The following CHAF1A variants were observed in gnomAD, a reference collection of about 807,000 sequenced individuals.
The protein encoded by CHAF1A is chromatin assembly factor 1 subunit A, also known as CAF-1 subunit A.
In CHAF1A, 5 loss-of-function variants were observed where a neutral mutation model predicts 93.2. The ratio of observed to expected loss-of-function variants is 0.05; its 90% CI spans 0.03 to 0.11. The LOEUF is 0.11. Ranked by LOEUF, CHAF1A falls within the 10% of genes least tolerant of loss-of-function variation. The pLI is 1.00. For missense variants in CHAF1A, 1,102 were observed against 1,259.9 expected, an observed-to-expected ratio of 0.87 and a Z score of 1.90; for synonymous variants, 504 against 510.3, an observed-to-expected ratio of 0.99 and a Z score of 0.17.
At chr19:4,413,453 A>G (rs1356254868) in intron 3 of CHAF1A, among the ~76,000 whole-genome samples, 1 of 152,152 alleles carries the variant, frequency 6.6e-6, no homozygotes, top group Non-Finnish European at 1.5e-5. Context: ...TCTGGGGAAT[A>G]CACTGTTTTT....
At chr19:4,411,562 C>A (rs1353566768) in intron 3 of CHAF1A, among the ~76,000 whole-genome samples, 1 of 140,728 alleles carries the variant, frequency 7.1e-6, no homozygotes, top group Non-Finnish European at 1.5e-5. Flanking sequence ...GACTTCATTT[C>A]TTGTCTTTCA....
chr19:4,446,332 G>T (rs1408433934), downstream of CHAF1A: 1 of 1,572,796 alleles, frequency 6.4e-7, no homozygotes, highest in Non-Finnish European at 8.6e-7. Context: ...GCGTGTAGTT[G>T]TACTTGCGCA....
At chr19:4,447,011 T>C (rs919169139), downstream of CHAF1A, 12 of 1,312,270 alleles carry the variant, frequency 9.1e-6, no homozygotes, top group African/African-American at 2.9e-5. Context: ...GCTCTCGCTA[T>C]TGGGAGCAGC....
intron 7 of CHAF1A, among the ~76,000 whole-genome samples, chr19:4,424,610 A>C (rs976100752): frequency 6.6e-6 from 1 of 151,954 alleles, no homozygotes; most frequent in Non-Finnish European, 1.5e-5. Context: ...GACTACAGGC[A>C]TGTGCCACCA....
At chr19:4,427,298 C>T (rs1282035318) in intron 7 of CHAF1A, among the ~76,000 whole-genome samples, 17 of 144,134 alleles carry the variant, frequency 1.2e-4, no homozygotes, top group Non-Finnish European at 2.1e-4. Flanking sequence ...TACAGGTGCC[C>T]ACCACCATGC....
chr19:4,429,325 C>A, intron 8 of CHAF1A, 113 bp from the exon 9 acceptor site: 1 of 1,249,444 alleles, frequency 8.0e-7, no homozygotes, highest in South Asian at 1.5e-5. Context: ...TGCTTTTTAA[C>A]AAATGCCCAT....
At chr19:4,411,642 A>ATATTTTTTTTTTTTTTTTTT (rs1202069647) in intron 3 of CHAF1A, among the ~76,000 whole-genome samples, 2 of 38,066 alleles carry the variant, frequency 5.3e-5, no homozygotes, top group Admixed American at 2.8e-4. Flanking sequence ...AATGGTGCAA[A>ATATTTTTTTTTTTTTTTTTT]TCTTTTTTTT....
In CHAF1A at chr19:4,408,972, G is replaced by T. The variant is rs772375979; in HGVS notation, c.173G>T (p.Gly58Val). 2 of 1,614,172 alleles carry T rather than the reference G, an allele frequency of 1.2e-6. No homozygotes were observed. Among genetic ancestry groups the T allele is most frequent in the Non-Finnish European group, 8.5e-7 (1 of 1,180,030 alleles). Residue 58 changes from glycine to valine, a missense_variant, in exon 3 of 15, where the codon GGT becomes GTT. Gly to Val is a moderately radical substitution (Grantham distance 109, BLOSUM62 -3). Coordinates refer to ENST00000301280, the MANE Select transcript of CHAF1A (RefSeq NM_005483.3). ...GKADDMSDDQ[G>V]TSVQSKSPDL... The stretch of plus-strand genomic sequence containing the variant: ...GCCGATGACATGTCAGACGATCAGG[G>T]TACTTCTGTGCAAAGTAAAAGCCCC...
downstream of CHAF1A, chr19:4,445,957 C>T (rs765195277): frequency 1.3e-6 from 2 of 1,505,696 alleles, no homozygotes; most frequent in Non-Finnish European, 1.8e-6. Flanking sequence ...GCTCTGAGAA[C>T]AAGGAGGCTC....
chr19:4,425,838 G>A (rs556938394), intron 7 of CHAF1A, among the ~76,000 whole-genome samples: 47 of 152,276 alleles, frequency 3.1e-4, no homozygotes, highest in Non-Finnish European at 5.3e-4. Context: ...CATTCCCGGC[G>A]ATGTGTGGAA....
At chr19:4,445,322 G>A, downstream of CHAF1A, 1 of 1,088,200 alleles carries the variant, frequency 9.2e-7, no homozygotes, top group Middle Eastern at 3.1e-4. Context: ...GCCCCCAAGG[G>A]ATGGGGGCTC....
At chr19:4,417,457 C>CGTTT (rs1973914276) in intron 3 of CHAF1A, among the ~76,000 whole-genome samples, 1 of 103,102 alleles carries the variant, frequency 9.7e-6, no homozygotes. Flanking sequence ...CCAGCTGTCG[C>CGTTT]TTTTTTTTTT....
At chr19:4,430,784 C>A in intron 11 of CHAF1A, 143 bp downstream of exon 11, 1 of 795,990 alleles carries the variant, frequency 1.3e-6, no homozygotes, top group East Asian at 2.8e-5. Context: ...CAAGCTCACT[C>A]GTGGGAACAG....
intron 4 of CHAF1A, among the ~76,000 whole-genome samples, chr19:4,421,079 T>A (rs1036669192): frequency 2.6e-5 from 4 of 151,958 alleles, no homozygotes; most frequent in African/African-American, 9.7e-5. Flanking sequence ...AATAAATAAA[T>A]AATGTTTTTT....
chr19:4,430,585 G>C lies in CHAF1A; in HGVS notation c.1891G>C (p.Asp631His). The change falls in exon 11 of 15, where the codon GAC (aspartate) becomes CAC (histidine). Residue 631 changes from aspartate to histidine, a missense_variant. By Grantham distance (81) the Asp-to-His change is moderately conservative. This residue lies in a region of CHAF1A where 335 missense variants were observed against 361.9 expected (regional missense o/e 0.93). Transcript: ENST00000301280. ...CGACATGGGAGAGGATGAAGATGAG[G>C]ACGATGGTTTCTTTGTGCCCCATGG... ...DDDMGEDEDE[D>H]DGFFVPHGYL... 1 of 1,613,444 alleles carries C rather than the reference G, an allele frequency of 6.2e-7. No homozygotes were observed. Among genetic ancestry groups the C allele is most frequent in the Non-Finnish European group, 8.5e-7 (1 of 1,179,548 alleles).
chr19:4,415,311 G>A (rs1219217328), intron 3 of CHAF1A, among the ~76,000 whole-genome samples: 1 of 152,172 alleles, frequency 6.6e-6, no homozygotes, highest in Non-Finnish European at 1.5e-5. Context: ...CTCTGTTTTG[G>A]TTGTTGGATA....
At position 4,426,167 on chromosome 19, in the gene CHAF1A, C is replaced by CT. The variant is rs57040531; in HGVS notation, c.1377+2311dup. ...AGCCTGTTACCTCTTTGTTTACAGTCTTTTTTTTTTTTTTTTTTGAGACAC... is the reference window on the plus strand; with the variant it reads ...AGCCTGTTACCTCTTTGTTTACAGTCTTTTTTTTTTTTTTTTTTTGAGACAC... On this transcript the variant is annotated intron_variant, in intron 7 of 14. Transcript: ENST00000301280. 9.9e-4 allele frequency among the ~76,000 whole-genome samples: 95 copies of CT among 95,600 alleles called. 1 individual carries two copies. The highest frequency in any genetic ancestry group is 3.8e-3 in the South Asian group (11 of 2,894). The allele number at this position is 95,600 out of a possible 152,430, so 62.7% of individuals were successfully genotyped here.
intron 4 of CHAF1A, among the ~76,000 whole-genome samples, chr19:4,419,739 A>AT (rs1487300225): frequency 1.3e-5 from 2 of 151,944 alleles, no homozygotes; most frequent in Non-Finnish European, 2.9e-5. Flanking sequence ...CCTGATTTTT[A>AT]TTTTTACAGT....
intron 3 of CHAF1A, among the ~76,000 whole-genome samples, chr19:4,410,307 C>T (rs568240388): frequency 6.6e-6 from 1 of 152,056 alleles, no homozygotes; most frequent in East Asian, 1.9e-4. Context: ...CTTTGAGAGG[C>T]CGAGGTGGGA....
Sources: allele counts gnomAD v4.1 joint callset (sites outside exome capture counted in the v4.1 genomes callset), GRCh38; gene constraint gnomAD v4.1.1; regional missense constraint gnomAD v4.1.1; transcripts MANE v1.5; gene names NCBI Gene and HGNC (gene_info 2026-07-23, HGNC 2026-07-21).